Variants in ST6GALNAC3 observed in about 807,000 individuals in gnomAD.
ST6GALNAC3 encodes ST6 N-acetylgalactosaminide alpha-2,6-sialyltransferase 3, also known as alpha-N-acetylgalactosaminide alpha-2,6-sialyltransferase 3.
A neutral mutation model predicts 32.7 loss-of-function variants in ST6GALNAC3; 25 were observed. The ratio of observed to expected loss-of-function variants is 0.76; its 90% CI spans 0.56 to 1.07. The LOEUF is 1.07. ST6GALNAC3 is among the 50% of genes least tolerant of loss of function. The probability of loss-of-function intolerance (pLI) is 0.00; values close to 1 mark genes in which losing one functional copy is unlikely to be tolerated. For missense variants in ST6GALNAC3, 355 were observed against 382.4 expected, an observed-to-expected ratio of 0.93 and a Z score of 0.60; for synonymous variants, 129 against 133.1, an observed-to-expected ratio of 0.97 and a Z score of 0.21.
chr1:76,393,641 G>A (rs930028745), intron 2 of ST6GALNAC3, among the ~76,000 whole-genome samples: 3 of 152,114 alleles, frequency 2.0e-5, no homozygotes, highest in East Asian at 1.9e-4. Flanking sequence ...GAGCTAAAAC[G>A]AAAACAGAAT....
intron 1 of ST6GALNAC3, among the ~76,000 whole-genome samples, chr1:76,258,398 C>T (rs1486408573): frequency 6.6e-6 from 1 of 152,172 alleles, no homozygotes; most frequent in Non-Finnish European, 1.5e-5. Context: ...ACTGCTTCTT[C>T]AGATCTTTGC....
At chr1:76,440,886 G>A (rs893492563) in intron 3 of ST6GALNAC3, among the ~76,000 whole-genome samples, 7 of 151,780 alleles carry the variant, frequency 4.6e-5, no homozygotes, top group African/African-American at 1.2e-4. Context: ...TCAGGAGTTC[G>A]AGACCAGCCT....
At chr1:76,312,913 A>G (rs748488947) in intron 1 of ST6GALNAC3, among the ~76,000 whole-genome samples, 4 of 152,190 alleles carry the variant, frequency 2.6e-5, no homozygotes, top group Admixed American at 2.0e-4. Context: ...ATATCTGTCA[A>G]TTAAAACACA....
At chr1:76,568,127 C>G (rs1294614747) in intron 3 of ST6GALNAC3, among the ~76,000 whole-genome samples, 1 of 152,182 alleles carries the variant, frequency 6.6e-6, no homozygotes, top group Non-Finnish European at 1.5e-5. Context: ...GGGGCATTAG[C>G]CAGTTCCTTG....
chr1:76,141,776 G>A (rs1240883826), intron 1 of ST6GALNAC3, among the ~76,000 whole-genome samples: 2 of 152,256 alleles, frequency 1.3e-5, no homozygotes, highest in South Asian at 2.1e-4. Context: ...TAGCACCTTA[G>A]CATGTAATTC....
chr1:76,119,990 G>A (rs1570051052), intron 1 of ST6GALNAC3, among the ~76,000 whole-genome samples: 3 of 152,356 alleles, frequency 2.0e-5, no homozygotes, highest in Middle Eastern at 3.4e-3. Flanking sequence ...CACTCTACCC[G>A]GAGTGCCCAG....
intron 2 of ST6GALNAC3, among the ~76,000 whole-genome samples, chr1:76,389,105 G>A (rs1465350095): frequency 6.8e-6 from 1 of 147,812 alleles, no homozygotes; most frequent in African/African-American, 2.5e-5. Context: ...CTGTAAAAGG[G>A]ACTAAAGGGG....
intron 3 of ST6GALNAC3, among the ~76,000 whole-genome samples, chr1:76,583,910 A>G (rs1349028675): frequency 6.6e-6 from 1 of 152,200 alleles, no homozygotes; most frequent in Non-Finnish European, 1.5e-5. Context: ...AGCTTCTTCA[A>G]CAAAGATCTC....
Position 76,083,407 on chromosome 1 carries a change from A to G in ST6GALNAC3, c.18+8523A>G, listed in dbSNP as rs147197185. Among the ~76,000 whole-genome samples the G allele has an allele frequency of 3.4e-4, 52 of 152,366 alleles. No homozygotes were observed. The East Asian group carries it at 9.1e-3, about 27-fold the overall frequency. ...GAGAAGTGAAAGTCTCTCTTTGTGAAGCGTTTGCCTTATCAGAGAAAGTGG... is the reference window on the plus strand; with the variant it reads ...GAGAAGTGAAAGTCTCTCTTTGTGAGGCGTTTGCCTTATCAGAGAAAGTGG... On this transcript the variant is annotated intron_variant, in intron 1 of 4. Coordinates refer to ENST00000328299, the MANE Select transcript of ST6GALNAC3 (RefSeq NM_152996.4).
intron 2 of ST6GALNAC3, among the ~76,000 whole-genome samples, chr1:76,370,828 CAGTCTACCCATT>C (rs1357749212): frequency 6.6e-6 from 1 of 152,066 alleles, no homozygotes; most frequent in African/African-American, 2.4e-5. Context: ...ATCTACCCAT[CAGTCTACCCATT>C]CACATGTCCA....
chr1:76,404,926 T>C (rs950819578), intron 2 of ST6GALNAC3, among the ~76,000 whole-genome samples: 1 of 152,268 alleles, frequency 6.6e-6, no homozygotes. Context: ...CTGGTTCAAT[T>C]GAAATGATTT....
chr1:76,615,929 G>T (rs1043118745), intron 3 of ST6GALNAC3, among the ~76,000 whole-genome samples: 6 of 152,110 alleles, frequency 3.9e-5, no homozygotes, highest in Non-Finnish European at 1.5e-5. Context: ...GCCCTTAAAA[G>T]TGTTGGAATG....
intron 3 of ST6GALNAC3, among the ~76,000 whole-genome samples, chr1:76,625,565 A>G (rs1648917697): frequency 6.6e-6 from 1 of 151,934 alleles, no homozygotes; most frequent in South Asian, 2.1e-4. Context: ...TCAATTTGGG[A>G]GCATTTTGTC....
chr1:76,164,515 G>A (rs1370518112), intron 1 of ST6GALNAC3, among the ~76,000 whole-genome samples: 2 of 152,116 alleles, frequency 1.3e-5, no homozygotes. Flanking sequence ...TACCCCTTAA[G>A]CAGACCTTTA....
chr1:76,104,015 T>C (rs551932945), intron 1 of ST6GALNAC3, among the ~76,000 whole-genome samples: 1 of 152,320 alleles, frequency 6.6e-6, no homozygotes, highest in African/African-American at 2.4e-5. Flanking sequence ...TAGCCTGCTA[T>C]ACCATTGTAC....
At chr1:76,190,781 C>G (rs144057715) in intron 1 of ST6GALNAC3, among the ~76,000 whole-genome samples, 1 of 152,092 alleles carries the variant, frequency 6.6e-6, no homozygotes, top group South Asian at 2.1e-4. Flanking sequence ...ATTGTTCTTA[C>G]GGACATCTAA....
chr1:76,512,678 A>G (rs1372518104), intron 3 of ST6GALNAC3, among the ~76,000 whole-genome samples: 2 of 152,228 alleles, frequency 1.3e-5, no homozygotes, highest in South Asian at 2.1e-4. Context: ...CTCCTGTCTA[A>G]TTGTAACTTT....
chr1:76,521,089 G>A (rs1170250319), intron 3 of ST6GALNAC3, among the ~76,000 whole-genome samples: 1 of 151,826 alleles, frequency 6.6e-6, no homozygotes, highest in African/African-American at 2.4e-5. Flanking sequence ...ATGCCTAAGA[G>A]ATAAAAATAT....
intron 1 of ST6GALNAC3, among the ~76,000 whole-genome samples, chr1:76,292,094 C>A (rs1660131523): frequency 6.6e-6 from 1 of 152,220 alleles, no homozygotes; most frequent in Admixed American, 6.5e-5. Flanking sequence ...CAAGATAATT[C>A]TTGGGATTTG....
Sources: allele counts gnomAD v4.1 joint callset (sites outside exome capture counted in the v4.1 genomes callset), GRCh38; gene constraint gnomAD v4.1.1; transcripts MANE v1.5; gene names NCBI Gene and HGNC (gene_info 2026-07-23, HGNC 2026-07-21).